Variants in PARM1 observed in about 807,000 individuals in gnomAD.
PARM1 encodes WSC4, cell wall integrity and stress response component 4 homolog.
PARM1 carries 14 observed loss-of-function variants against 24.6 expected under a neutral mutation model. That is an observed-to-expected ratio of 0.57 (90% CI 0.38 to 0.89). PARM1 has a LOEUF of 0.89. Among genes scored for constraint, PARM1 ranks in the 40% least tolerant of loss-of-function variants. The probability of loss-of-function intolerance (pLI) is 0.00; values close to 1 mark genes in which losing one functional copy is unlikely to be tolerated. For missense variants in PARM1, 362 were observed against 380.4 expected (o/e 0.95, Z 0.40); for synonymous variants, 179 against 156.6 (o/e 1.14, Z -1.07).
At chr4:75,031,132 C>T (rs866148640) in intron 2 of PARM1, among the ~76,000 whole-genome samples, 52 of 152,278 alleles carry the variant, frequency 3.4e-4, no homozygotes, top group African/African-American at 1.2e-3. Context: ...TAACAGCAAG[C>T]TCAGGATACA....
chr4:74,992,178 C>G (rs879260218), intron 1 of PARM1, among the ~76,000 whole-genome samples: 11 of 152,252 alleles, frequency 7.2e-5, no homozygotes, highest in South Asian at 2.1e-4. Flanking sequence ...GGTCCTCAAA[C>G]CTGTTCCTTT....
intron 1 of PARM1, among the ~76,000 whole-genome samples, chr4:74,989,555 G>A (rs1313711561): frequency 6.6e-6 from 1 of 152,184 alleles, no homozygotes; most frequent in African/African-American, 2.4e-5. Flanking sequence ...CAGCTATCAG[G>A]AAGGTCCTCA....
intron 1 of PARM1, among the ~76,000 whole-genome samples, chr4:74,979,001 A>G (rs951017378): frequency 1.3e-5 from 2 of 152,142 alleles, no homozygotes; most frequent in Non-Finnish European, 2.9e-5. Context: ...CTCATATCAA[A>G]AATATAGAAA....
chr4:74,978,445 C>T (rs1722179378), intron 1 of PARM1, among the ~76,000 whole-genome samples: 1 of 152,120 alleles, frequency 6.6e-6, no homozygotes, highest in Non-Finnish European at 1.5e-5. Flanking sequence ...AATACAGGAG[C>T]ACCCGGATTT....
At chr4:74,964,987 TA>T (rs2109991439) in intron 1 of PARM1, among the ~76,000 whole-genome samples, 1 of 152,208 alleles carries the variant, frequency 6.6e-6, no homozygotes, top group East Asian at 1.9e-4. Context: ...AAAATAAAAT[TA>T]GTAAATTTGT....
intron 2 of PARM1, among the ~76,000 whole-genome samples, chr4:75,013,465 C>G (rs1722920331): frequency 6.6e-6 from 1 of 152,260 alleles, no homozygotes; most frequent in South Asian, 2.1e-4. Flanking sequence ...GGTTTCAACT[C>G]TGGCTCCTGA....
intron 1 of PARM1, among the ~76,000 whole-genome samples, chr4:74,937,795 G>A (rs1721223934): frequency 6.6e-6 from 1 of 152,190 alleles, no homozygotes; most frequent in South Asian, 2.1e-4. Flanking sequence ...TAATATTCCA[G>A]TGCAGTGCCA....
intron 1 of PARM1, among the ~76,000 whole-genome samples, chr4:74,970,870 C>T (rs1722017772): frequency 6.6e-6 from 1 of 152,172 alleles, no homozygotes; most frequent in African/African-American, 2.4e-5. Flanking sequence ...TGGGAGCCAG[C>T]ACAAAGGAAT....
chr4:74,957,980 G>A (rs1721677504), intron 1 of PARM1, among the ~76,000 whole-genome samples: 1 of 152,158 alleles, frequency 6.6e-6, no homozygotes. Flanking sequence ...AATTGGTAGG[G>A]AATGGCAATA....
At chr4:74,989,490 A>T (rs1334784764) in intron 1 of PARM1, among the ~76,000 whole-genome samples, 2 of 152,214 alleles carry the variant, frequency 1.3e-5, no homozygotes, top group Admixed American at 6.5e-5. Flanking sequence ...GTAGGAAGGG[A>T]TGTGGAGTTT....
intron 1 of PARM1, among the ~76,000 whole-genome samples, chr4:74,979,262 A>G (rs1355050945): frequency 6.6e-6 from 1 of 152,156 alleles, no homozygotes; most frequent in Admixed American, 6.5e-5. Context: ...AATAAACACA[A>G]TAAAAAATGA....
intron 2 of PARM1, among the ~76,000 whole-genome samples, chr4:75,021,991 G>A (rs1313806828): frequency 6.6e-6 from 1 of 152,128 alleles, no homozygotes; most frequent in Non-Finnish European, 1.5e-5. Flanking sequence ...GAGATTACTG[G>A]GTCAAATGGT....
chr4:74,993,645 A>T (rs907231086), intron 1 of PARM1, among the ~76,000 whole-genome samples: 1 of 152,164 alleles, frequency 6.6e-6, no homozygotes, highest in Non-Finnish European at 1.5e-5. Context: ...TGAGTGTTTC[A>T]GGTAAAAAGA....
chr4:74,968,593 C>T (rs1230462262), intron 1 of PARM1, among the ~76,000 whole-genome samples: 1 of 152,208 alleles, frequency 6.6e-6, no homozygotes, highest in African/African-American at 2.4e-5. Context: ...AAACCAGCCT[C>T]AGCCCCTGGA....
chr4:74,979,447 T>C (rs1560782023), intron 1 of PARM1, among the ~76,000 whole-genome samples: 1 of 152,168 alleles, frequency 6.6e-6, no homozygotes. Flanking sequence ...AATAACCAGC[T>C]GTGAAATTGA....
At position 74,946,408 on chromosome 4, in the gene PARM1, C is replaced by T. The variant is rs533043824; in HGVS notation, c.43+13038C>T. 2.6e-5 allele frequency among the ~76,000 whole-genome samples: 4 copies of T among 152,284 alleles called. 1 individual carries two copies. Among genetic ancestry groups the T allele is most frequent in the African/African-American group, 9.6e-5 (4 of 41,574 alleles). Reference sequence around the variant, plus strand: ...TATCAGTAACTCCTAAATGGTCACCCGTTTTCTTCCCACAGTCTCTTGCCA... The same window carrying T: ...TATCAGTAACTCCTAAATGGTCACCTGTTTTCTTCCCACAGTCTCTTGCCA... On this transcript the variant is annotated intron_variant, in intron 1 of 3. Coordinates refer to ENST00000307428, the MANE Select transcript of PARM1 (RefSeq NM_015393.4).
intron 1 of PARM1, among the ~76,000 whole-genome samples, chr4:74,946,647 A>G (rs1721418168): frequency 6.6e-6 from 1 of 152,212 alleles, no homozygotes; most frequent in Non-Finnish European, 1.5e-5. Context: ...CATATTCTCA[A>G]AGAATACTAG....
intron 1 of PARM1, among the ~76,000 whole-genome samples, chr4:74,941,209 AG>A (rs1381907217): frequency 6.6e-6 from 1 of 152,350 alleles, no homozygotes; most frequent in East Asian, 1.9e-4. Flanking sequence ...AATGACATTC[AG>A]GAGGAGAGCC....
chr4:74,997,181 G>A (rs528906971), intron 1 of PARM1, among the ~76,000 whole-genome samples: 1 of 152,150 alleles, frequency 6.6e-6, no homozygotes, highest in South Asian at 2.1e-4. Context: ...CAGCCTCTGA[G>A]CTAGAGAGAA....
Sources: allele counts gnomAD v4.1 joint callset (sites outside exome capture counted in the v4.1 genomes callset), GRCh38; gene constraint gnomAD v4.1.1; transcripts MANE v1.5; gene names NCBI Gene and HGNC (gene_info 2026-07-23, HGNC 2026-07-21).